The following UBXN7 variants were observed in gnomAD, a reference collection of about 807,000 sequenced individuals.
The protein encoded by UBXN7 is UBX domain protein 7.
In UBXN7, 9 loss-of-function variants were observed where a neutral mutation model predicts 58.0. That is an observed-to-expected ratio of 0.16 (90% CI 0.09 to 0.27). The LOEUF (loss-of-function observed/expected upper bound fraction) is 0.27. UBXN7 is among the 10% of genes least tolerant of loss of function. The probability of loss-of-function intolerance (pLI) is 1.00; values close to 1 mark genes in which losing one functional copy is unlikely to be tolerated. For synonymous variants in UBXN7, 208 were observed against 205.0 expected, an observed-to-expected ratio of 1.01 and a Z score of -0.12; for missense variants, 328 against 599.6, an observed-to-expected ratio of 0.55 and a Z score of 4.73.
At position 196,401,811 on chromosome 3, in the gene UBXN7, AAGAAAAG is replaced by A. The variant is rs201722045; in HGVS notation, c.289+1134_289+1140del. The stretch of plus-strand genomic sequence containing the variant: ...AAAAGTAAAGAAAGGAAAGAAAGAA[AAGAAAAG>A]AGAAGAGAGAAGAGAAGAGAAGAGA... On this transcript the variant is annotated intron_variant, in intron 3 of 10. Transcript: ENST00000296328. 8.1e-3 allele frequency among the ~76,000 whole-genome samples: 1,104 copies of A among 136,256 alleles called. 15 individuals carry two copies. Among genetic ancestry groups the A allele is most frequent in the African/African-American group, 0.029 (1,027 of 35,770 alleles). The allele number at this position is 136,256 out of a possible 152,430, so 89.4% of individuals were successfully genotyped here.
rs547668161 is a variant in UBXN7, at chr3:196,379,038, G to A, written c.469-6996C>T. Among the ~76,000 whole-genome samples, 961 of 128,830 alleles carry A rather than the reference G, an allele frequency of 7.5e-3. 4 individuals are homozygous for A. The highest frequency in any genetic ancestry group is 0.028 in the African/African-American group (901 of 32,100). 84.5% of individuals were successfully genotyped at this position (128,830 alleles called of 152,430 possible). On this transcript the variant is annotated intron_variant, in intron 5 of 10. Transcript: ENST00000296328. ...GCTTCTTTCCATGTTGGTTTTGGGGGATTTTAGCCAGCTTCTTTCCATGTT... is the reference window on the plus strand; with the variant it reads ...GCTTCTTTCCATGTTGGTTTTGGGGAATTTTAGCCAGCTTCTTTCCATGTT...
intron 5 of UBXN7, among the ~76,000 whole-genome samples, chr3:196,389,101 T>C (rs1487450132): frequency 6.6e-6 from 1 of 152,244 alleles, no homozygotes; most frequent in Admixed American, 6.5e-5. Flanking sequence ...GCTTAGTTAC[T>C]GCATTACGTC....
chr3:196,384,239 G>A (rs2108840886), intron 5 of UBXN7, among the ~76,000 whole-genome samples: 1 of 152,164 alleles, frequency 6.6e-6, no homozygotes, highest in South Asian at 2.1e-4. Context: ...ACCCTCCCAA[G>A]ACTAAACCAG....
At chr3:196,432,251 G>T in intron 1 of UBXN7, 76 bp downstream of exon 1, 2 of 1,578,958 alleles carry the variant, frequency 1.3e-6, no homozygotes, top group Non-Finnish European at 1.7e-6. Flanking sequence ...ATGCCTGAAG[G>T]TAAGGGGAAG....
intron 1 of UBXN7, among the ~76,000 whole-genome samples, chr3:196,421,815 A>G (rs2108624963): frequency 6.6e-6 from 1 of 152,136 alleles, no homozygotes; most frequent in Admixed American, 6.6e-5. Context: ...GTAAGTTATT[A>G]CATGAAAAAT....
At chr3:196,359,981 T>C (rs770580698) in intron 10 of UBXN7, among the ~76,000 whole-genome samples, 1 of 151,846 alleles carries the variant, frequency 6.6e-6, no homozygotes, top group Non-Finnish European at 1.5e-5. Flanking sequence ...TAGTGGTCTG[T>C]ACAGAAAAAT....
chr3:196,393,381 G>C (rs1013639343), intron 4 of UBXN7, among the ~76,000 whole-genome samples, 173 bp downstream of exon 4: 2 of 152,076 alleles, frequency 1.3e-5, no homozygotes, highest in East Asian at 1.9e-4. Context: ...TAACCAAATA[G>C]GTTAGAATTT....
intron 1 of UBXN7, among the ~76,000 whole-genome samples, chr3:196,430,955 C>T (rs2108630396): frequency 6.6e-6 from 1 of 152,276 alleles, no homozygotes; most frequent in African/African-American, 2.4e-5. Context: ...CAACTCCTCA[C>T]CCCAATTTTA....
intron 3 of UBXN7, 144 bp from the exon 4 acceptor site, chr3:196,393,763 T>C: frequency 1.5e-6 from 1 of 674,836 alleles, no homozygotes. Flanking sequence ...GGGGCCGTGC[T>C]AATCTCTGTC....
In UBXN7 at chr3:196,364,326, C is replaced by T. The variant is rs921276729; in HGVS notation, c.835-1639G>A. ...GATATTTCAGGATATTACAGAATTA[C>T]TGCTCATTTTTAAGGGTATAATAAT... is the stretch of plus-strand genomic sequence containing the variant. On this transcript the variant is annotated intron_variant, in intron 8 of 10. Transcript: ENST00000296328. 4.6e-5 allele frequency among the ~76,000 whole-genome samples: 7 copies of T among 152,250 alleles called. No homozygotes were observed. The South Asian group carries it at 1.5e-3, about 32-fold the overall frequency.
intron 10 of UBXN7, among the ~76,000 whole-genome samples, chr3:196,361,048 G>A (rs1728492032): frequency 6.6e-6 from 1 of 152,094 alleles, no homozygotes; most frequent in Admixed American, 6.6e-5. Context: ...GGATTCAGCA[G>A]TCTAAATACC....
At chr3:196,417,414 C>T (rs2108622137) in intron 1 of UBXN7, among the ~76,000 whole-genome samples, 1 of 152,174 alleles carries the variant, frequency 6.6e-6, no homozygotes, top group Middle Eastern at 3.4e-3. Context: ...CTTCAAATTC[C>T]CTTCTGTACT....
chr3:196,376,101 C>T (rs1006774868), intron 5 of UBXN7, among the ~76,000 whole-genome samples: 8 of 151,748 alleles, frequency 5.3e-5, no homozygotes, highest in African/African-American at 1.9e-4. Context: ...TGCATAAAGT[C>T]GAGAAGAAAA....
rs867446869 is a variant in UBXN7, at chr3:196,368,148, C to T, written c.714G>A (p.Lys238=). 6.2e-7 allele frequency: 1 copy of T among 1,611,074 alleles called. No individual in the cohort carries two copies. Among genetic ancestry groups the T allele is most frequent in the Admixed American group, 1.7e-5 (1 of 59,398 alleles). The change falls in exon 8 of 11, where the codon AAG becomes AAA. Residue 238 remains lysine (K), a synonymous_variant. Coordinates refer to ENST00000296328, the MANE Select transcript of UBXN7 (RefSeq NM_015562.2). The stretch of plus-strand genomic sequence containing the variant: ...CATCTAACTGGTGCCATTCTACTAG[C>T]TTCTGACCTAAGGATTAAAAACCAA... ...VSILDPRTGQ[K]LVEWHQLDVS...
intron 3 of UBXN7, among the ~76,000 whole-genome samples, chr3:196,394,732 T>C (rs1729717379): frequency 6.6e-6 from 1 of 152,228 alleles, no homozygotes; most frequent in South Asian, 2.1e-4. Flanking sequence ...AGGTTAGCCC[T>C]GTTGTATAGA....
At chr3:196,382,313 A>G (rs533822619) in intron 5 of UBXN7, among the ~76,000 whole-genome samples, 3 of 152,342 alleles carry the variant, frequency 2.0e-5, no homozygotes, top group Admixed American at 2.0e-4. Context: ...CCTACAAGCC[A>G]GAAGAGTGGG....
At chr3:196,409,928 T>A (rs1730269279) in intron 1 of UBXN7, among the ~76,000 whole-genome samples, 1 of 148,402 alleles carries the variant, frequency 6.7e-6, no homozygotes, top group African/African-American at 2.5e-5. Flanking sequence ...CAATAATGTA[T>A]TTTAAAAGAA....
chr3:196,415,153 C>CTTTTT (rs869101939), intron 1 of UBXN7, among the ~76,000 whole-genome samples: 2 of 130,390 alleles, frequency 1.5e-5, no homozygotes, highest in African/African-American at 2.8e-5. Flanking sequence ...TATCATACTT[C>CTTTTT]TTTTTTTTTT....
chr3:196,379,459 C>T (rs1320245631), intron 5 of UBXN7, among the ~76,000 whole-genome samples: 2 of 152,286 alleles, frequency 1.3e-5, no homozygotes, highest in South Asian at 2.1e-4. Context: ...AATGGAGTTG[C>T]TCTGTTTTAA....
Sources: allele counts gnomAD v4.1 joint callset (sites outside exome capture counted in the v4.1 genomes callset), GRCh38; gene constraint gnomAD v4.1.1; transcripts MANE v1.5; gene names NCBI Gene and HGNC (gene_info 2026-07-23, HGNC 2026-07-21).